The following DYNC2H1 variants were observed in gnomAD, a reference collection of about 807,000 sequenced individuals.
DYNC2H1 encodes cytoplasmic dynein 2 heavy chain 1.
A neutral mutation model predicts 570.0 loss-of-function variants in DYNC2H1; 410 were observed. The observed-to-expected ratio is 0.72, with a 90% confidence interval of 0.66 to 0.78. DYNC2H1 has a LOEUF of 0.78. DYNC2H1 is among the 30% of genes least tolerant of loss of function. DYNC2H1 has a pLI of 0.00. For missense variants in DYNC2H1, 4,865 were observed against 5,046.4 expected, an observed-to-expected ratio of 0.96 and a Z score of 1.09; for synonymous variants, 1,688 against 1,677.6, an observed-to-expected ratio of 1.01 and a Z score of -0.15.
At chr11:103,315,041 A>G (rs1463094278) in intron 79 of DYNC2H1, among the ~76,000 whole-genome samples, 1 of 152,088 alleles carries the variant, frequency 6.6e-6, no homozygotes, top group African/African-American at 2.4e-5. Context: ...TAATTCTTAA[A>G]TCTGCTAACA....
At chr11:103,172,896 G>T (rs1377170192) in intron 34 of DYNC2H1, among the ~76,000 whole-genome samples, 186 bp from the exon 35 acceptor site, 1 of 151,982 alleles carries the variant, frequency 6.6e-6, no homozygotes, top group East Asian at 1.9e-4. Context: ...TGAGTAAGGA[G>T]ATGGTTAGTA....
intron 83 of DYNC2H1, among the ~76,000 whole-genome samples, chr11:103,370,281 G>A (rs958750921): frequency 7.9e-5 from 12 of 152,260 alleles, no homozygotes; most frequent in African/African-American, 1.2e-4. Context: ...TGTGGTTTGA[G>A]TGGCACAATA....
Position 103,319,542 on chromosome 11 carries a change from T to C in DYNC2H1, c.11726-1487T>C, listed in dbSNP as rs761772108. On this transcript the variant is annotated intron_variant, in intron 80 of 88. Transcript: ENST00000375735. The surrounding 1 kb of genome is among the most constrained non-coding windows in gnomAD (Gnocchi z 4.3). Reference sequence around the variant, plus strand: ...ATGAAGCATTTAACATTTAGTACATTTAATATGTGGAGTTAAGCTATCAGT... The same window carrying C: ...ATGAAGCATTTAACATTTAGTACATCTAATATGTGGAGTTAAGCTATCAGT... Among the ~76,000 whole-genome samples, 5 of 152,150 alleles carry C rather than the reference T, an allele frequency of 3.3e-5. No individual in the cohort carries two copies. Among genetic ancestry groups the C allele is most frequent in the Non-Finnish European group, 7.4e-5 (5 of 67,996 alleles).
At chr11:103,404,814 A>C (rs1565568753) in intron 84 of DYNC2H1, 1 of 151,842 alleles carries the variant, frequency 6.6e-6, no homozygotes, top group African/African-American at 2.4e-5. Context: ...TGAATAGGAA[A>C]ATGAATCCTA....
At chr11:103,140,848 G>A (rs1859875624) in intron 17 of DYNC2H1, among the ~76,000 whole-genome samples, 1 of 152,166 alleles carries the variant, frequency 6.6e-6, no homozygotes, top group Non-Finnish European at 1.5e-5. Flanking sequence ...ACACCCATCA[G>A]ACGTAGATTT....
chr11:103,354,702 C>A (rs1328997392), intron 82 of DYNC2H1, among the ~76,000 whole-genome samples: 1 of 151,872 alleles, frequency 6.6e-6, no homozygotes, highest in East Asian at 1.9e-4. Flanking sequence ...AAATTTATAA[C>A]AATGCTAGGT....
chr11:103,152,248 T>G lies in DYNC2H1; in HGVS notation c.3059T>G (p.Leu1020Ter), dbSNP rs373335226. 34 of 1,607,742 alleles carry G rather than the reference T, an allele frequency of 2.1e-5. No homozygotes were observed. Among genetic ancestry groups the G allele is most frequent in the Non-Finnish European group, 2.5e-6 (3 of 1,177,960 alleles). Residue 1020 changes from leucine (L) to a stop codon, truncating the protein, a stop_gained, in exon 21 of 89, where the codon TTA (leucine) becomes TGA (stop). Transcript: ENST00000375735. LOFTEE classifies it high-confidence loss of function. ...AAAGCCAAGTGGGATAAATTTGAGT[T>G]AATGATGGAAAGTCACCAACTTATG... is the stretch of plus-strand genomic sequence containing the variant. ...NLKAKWDKFE[L>*]MMESHQLMIK...
At chr11:103,188,121 G>A (rs1862148191) in intron 43 of DYNC2H1, among the ~76,000 whole-genome samples, 1 of 151,648 alleles carries the variant, frequency 6.6e-6, no homozygotes, top group Admixed American at 6.6e-5. Context: ...CCAATTTTAG[G>A]CTTATTATGT....
intron 63 of DYNC2H1, among the ~76,000 whole-genome samples, chr11:103,236,950 CAATT>C (rs797010092): frequency 8.2e-4 from 124 of 152,020 alleles, no homozygotes; most frequent in African/African-American, 3.0e-3. Flanking sequence ...TTTGGCTTAT[CAATT>C]AGAGATAATC....
intron 60 of DYNC2H1, among the ~76,000 whole-genome samples, chr11:103,232,492 C>A (rs975287125): frequency 1.3e-5 from 2 of 151,816 alleles, no homozygotes; most frequent in Non-Finnish European, 2.9e-5. Context: ...TTAAATAAAA[C>A]AGAATGACAT....
At chr11:103,450,916 ATAATT>A (rs1944576252) in intron 85 of DYNC2H1, among the ~76,000 whole-genome samples, 1 of 152,218 alleles carries the variant, frequency 6.6e-6, no homozygotes, top group African/African-American at 2.4e-5. Context: ...ATGTTTTTAT[ATAATT>A]AGGTTCATAC....
rs184966938 is a variant in DYNC2H1 at position 103,252,620 on chromosome 11, G to T, written c.10043-665G>T. On this transcript the variant is annotated intron_variant, in intron 65 of 88. Transcript: ENST00000375735. The surrounding 1 kb of genome is among the most constrained non-coding windows in gnomAD (Gnocchi z 4.6). ...GTGATGTTGAGCATCGTTTCATATA[G>T]CTGTTGGCCATATTTGTATCTTCTT... 6.6e-6 allele frequency among the ~76,000 whole-genome samples: 1 copy of T among 152,214 alleles called. No homozygotes were observed. The highest frequency in any genetic ancestry group is 1.9e-4 in the East Asian group (1 of 5,188).
chr11:103,467,745 G>T (rs186112201), intron 87 of DYNC2H1, among the ~76,000 whole-genome samples: 144 of 152,170 alleles, frequency 9.5e-4, no homozygotes, highest in African/African-American at 3.4e-3. Flanking sequence ...CACCATGTTA[G>T]CCAGGATGGT....
chr11:103,394,430 T>C (rs754715078), intron 83 of DYNC2H1, among the ~76,000 whole-genome samples: 1 of 152,134 alleles, frequency 6.6e-6, no homozygotes, highest in South Asian at 2.1e-4. Context: ...CTAGAGATTA[T>C]TTAAAGTATA....
intron 70 of DYNC2H1, among the ~76,000 whole-genome samples, chr11:103,265,218 C>T (rs763070859): frequency 1.2e-4 from 18 of 152,016 alleles, no homozygotes; most frequent in Middle Eastern, 3.4e-3. Flanking sequence ...TTGGGGGGTG[C>T]GGTAAAAAGT....
intron 82 of DYNC2H1, among the ~76,000 whole-genome samples, chr11:103,350,965 T>C (rs1940024671): frequency 1.3e-5 from 2 of 152,184 alleles, no homozygotes; most frequent in South Asian, 4.1e-4. Flanking sequence ...TTATGGACAT[T>C]TAGTCCATAA....
intron 54 of DYNC2H1, among the ~76,000 whole-genome samples, chr11:103,214,994 T>G (rs1218688433): frequency 1.3e-5 from 2 of 152,192 alleles, no homozygotes; most frequent in Non-Finnish European, 2.9e-5. Flanking sequence ...TTTTCTGTGT[T>G]GATTTTGTAT....
At chr11:103,139,829 A>C (rs928555543) in intron 17 of DYNC2H1, among the ~76,000 whole-genome samples, 1 of 152,052 alleles carries the variant, frequency 6.6e-6, no homozygotes, top group Non-Finnish European at 1.5e-5. Context: ...AAAGTCTTCC[A>C]TTATTATTGT....
chr11:103,143,095 T>C (rs1449597647), intron 17 of DYNC2H1, among the ~76,000 whole-genome samples, 173 bp from the exon 18 acceptor site: 1 of 152,226 alleles, frequency 6.6e-6, no homozygotes, highest in Non-Finnish European at 1.5e-5. Flanking sequence ...ATTAAATCTC[T>C]TTTTTCTGTT....
Sources: allele counts gnomAD v4.1 joint callset (sites outside exome capture counted in the v4.1 genomes callset), GRCh38; gene constraint gnomAD v4.1.1; non-coding constraint Gnocchi (gnomAD v3.1); transcripts MANE v1.5; gene names NCBI Gene and HGNC (gene_info 2026-07-23, HGNC 2026-07-21).